Variants in GABRB3 observed in about 807,000 individuals in gnomAD.
GABRB3 encodes the protein gamma-aminobutyric acid receptor subunit beta-3.
GABRB3 carries 14 observed loss-of-function variants against 52.1 expected under a neutral mutation model. The ratio of observed to expected loss-of-function variants is 0.27; its 90% CI spans 0.18 to 0.42. The LOEUF (loss-of-function observed/expected upper bound fraction) is 0.42. Among genes scored for constraint, GABRB3 ranks in the 10% least tolerant of loss-of-function variants. GABRB3 has a pLI of 1.00. For missense variants in GABRB3, 307 were observed against 609.1 expected (o/e 0.50, Z 5.22); for synonymous variants, 260 against 232.3 (o/e 1.12, Z -1.08).
intron 3 of GABRB3, among the ~76,000 whole-genome samples, chr15:26,623,126 T>C (rs145814867): frequency 0.036 from 5,476 of 152,132 alleles, 142 homozygotes; most frequent in Middle Eastern, 0.058. Flanking sequence ...CTCGGCTAGG[T>C]AGACAGCAGG....
chr15:26,744,241 G>A (rs1449948386), intron 3 of GABRB3, among the ~76,000 whole-genome samples: 1 of 152,128 alleles, frequency 6.6e-6, no homozygotes, highest in South Asian at 2.1e-4. Context: ...TTAAAATCAA[G>A]CATGAAAATT....
intron 3 of GABRB3, among the ~76,000 whole-genome samples, chr15:26,655,295 A>G (rs145717712): frequency 2.1e-3 from 326 of 152,286 alleles, no homozygotes; most frequent in Non-Finnish European, 3.9e-3. Context: ...TGTCTGATAT[A>G]TCATAATTTA....
intron 3 of GABRB3, among the ~76,000 whole-genome samples, chr15:26,647,647 A>AT (rs367910293): frequency 9.8e-4 from 149 of 152,100 alleles, no homozygotes; most frequent in African/African-American, 3.2e-3. Flanking sequence ...TACAATTTGA[A>AT]TTTTTTTTCA....
intron 3 of GABRB3, chr15:26,772,098 G>A (rs1408669814): frequency 6.1e-6 from 2 of 328,518 alleles, no homozygotes; most frequent in Non-Finnish European, 1.1e-5. Flanking sequence ...GGGACCAGGC[G>A]ACAGAGCGCT....
At chr15:26,562,898 T>G (rs1475148773) in intron 7 of GABRB3, among the ~76,000 whole-genome samples, 1 of 152,248 alleles carries the variant, frequency 6.6e-6, no homozygotes, top group Admixed American at 6.5e-5. Flanking sequence ...AAATCCAAGA[T>G]GTCAGAATAT....
chr15:26,651,184 C>T (rs562492246), intron 3 of GABRB3, among the ~76,000 whole-genome samples: 4 of 152,318 alleles, frequency 2.6e-5, no homozygotes, highest in Admixed American at 1.3e-4. Flanking sequence ...AGGACAGCAC[C>T]GGAACACGCC....
At chr15:26,627,918 C>G (rs1892768616) in intron 3 of GABRB3, among the ~76,000 whole-genome samples, 2 of 152,316 alleles carry the variant, frequency 1.3e-5, no homozygotes, top group South Asian at 4.1e-4. Context: ...ACAGAGAAAT[C>G]TTTCATGAAA....
At chr15:26,698,133 C>T (rs1888804001) in intron 3 of GABRB3, among the ~76,000 whole-genome samples, 1 of 152,190 alleles carries the variant, frequency 6.6e-6, no homozygotes, top group South Asian at 2.1e-4. Flanking sequence ...CCAGGTTAGC[C>T]TCCCAGACTG....
chr15:26,707,671 CT>C (rs1889148881), intron 3 of GABRB3, among the ~76,000 whole-genome samples: 4 of 152,194 alleles, frequency 2.6e-5, no homozygotes. Context: ...TTAGGGTTCA[CT>C]GCCCCAGGCT....
At chr15:26,702,282 G>A (rs1888962620) in intron 3 of GABRB3, among the ~76,000 whole-genome samples, 1 of 152,114 alleles carries the variant, frequency 6.6e-6, no homozygotes, top group Non-Finnish European at 1.5e-5. Context: ...GCTAAAAGAG[G>A]ATGAAAACAC....
chr15:26,726,606 T>C (rs1889778461), intron 3 of GABRB3, among the ~76,000 whole-genome samples: 1 of 152,206 alleles, frequency 6.6e-6, no homozygotes, highest in Non-Finnish European at 1.5e-5. Flanking sequence ...GATAGCCTGA[T>C]GTTTCCTCGT....
chr15:26,663,616 C>T (rs908884080), intron 3 of GABRB3, among the ~76,000 whole-genome samples: 1 of 152,154 alleles, frequency 6.6e-6, no homozygotes, highest in African/African-American at 2.4e-5. Flanking sequence ...GTGAGTTTAT[C>T]GGAAAGCATG....
chr15:26,589,984 AGCATGAGTCCTGGCTGT>A (rs1891135737), intron 4 of GABRB3, among the ~76,000 whole-genome samples: 1 of 152,182 alleles, frequency 6.6e-6, no homozygotes, highest in Non-Finnish European at 1.5e-5. Flanking sequence ...AAGCACTCCC[AGCATGAGTCCTGGCTGT>A]GCATGGTTAT....
intron 7 of GABRB3, among the ~76,000 whole-genome samples, chr15:26,564,544 C>T (rs1214025087): frequency 6.6e-6 from 1 of 152,186 alleles, no homozygotes; most frequent in Non-Finnish European, 1.5e-5. Context: ...CGAGCCCCAC[C>T]CGTCCTAGCT....
intron 3 of GABRB3, among the ~76,000 whole-genome samples, chr15:26,655,267 C>T (rs909268971): frequency 9.2e-5 from 14 of 152,122 alleles, no homozygotes; most frequent in African/African-American, 3.4e-4. Flanking sequence ...TTAATAATCA[C>T]TTTATTATGT....
At position 26,772,738 on chromosome 15, in the gene GABRB3, C is replaced by T. The variant is rs1468792368; in HGVS notation, c.115G>A (p.Glu39Lys). ...CCTTTCAACAGCTTGTCCACCGTCT[C>T]CTTCACAAAGGACATGTTCCCGGGA... is the stretch of plus-strand genomic sequence containing the variant. ...NDPGNMSFVK[E>K]TVDKLLKGYD... The change falls in exon 2 of 9, where the codon GAG (glutamate) becomes AAG (lysine). Residue 39 changes from glutamate (E) to lysine (K), a missense_variant. Physicochemically the swap from Glu to Lys is moderately conservative, Grantham distance 56 (BLOSUM62 1). This residue lies in a region of GABRB3 where 90 missense variants were observed against 86.4 expected (regional missense o/e 1.04). Transcript: ENST00000311550. The T allele has an allele frequency of 1.3e-5, 21 of 1,574,516 alleles. No individual in the cohort carries two copies.
intron 6 of GABRB3, among the ~76,000 whole-genome samples, chr15:26,580,038 G>A (rs541638656): frequency 9.9e-5 from 15 of 152,198 alleles, no homozygotes; most frequent in Non-Finnish European, 2.1e-4. Flanking sequence ...CCAAAGATGG[G>A]AGATTCTTAT....
intron 8 of GABRB3, among the ~76,000 whole-genome samples, chr15:26,558,179 A>G (rs1342741955): frequency 1.3e-5 from 2 of 152,228 alleles, no homozygotes; most frequent in African/African-American, 2.4e-5. Context: ...ATTTAGAAAC[A>G]TAACAGTATG....
At chr15:26,705,769 A>C (rs773476973) in intron 3 of GABRB3, among the ~76,000 whole-genome samples, 2 of 152,214 alleles carry the variant, frequency 1.3e-5, no homozygotes, top group Non-Finnish European at 2.9e-5. Context: ...GGGGTAGATG[A>C]ATATGTTCAT....
Sources: gnomAD v4.1 joint callset for allele counts (sites outside exome capture counted in the v4.1 genomes callset) on GRCh38, gnomAD v4.1.1 for gene constraint, gnomAD v4.1.1 regional missense constraint, MANE v1.5 for transcripts, NCBI Gene and HGNC (gene_info 2026-07-23, HGNC 2026-07-21) for gene names.